TES: variants seen among roughly 807,000 people sequenced by gnomAD.
TES encodes testin LIM domain protein.
In TES, 41 loss-of-function variants were observed where a neutral mutation model predicts 48.2. That is an observed-to-expected ratio of 0.85 (90% CI 0.66 to 1.10). The LOEUF (loss-of-function observed/expected upper bound fraction) is 1.10. Among genes scored for constraint, TES ranks in the 50% least tolerant of loss-of-function variants. The probability of loss-of-function intolerance (pLI) is 0.00; values close to 1 mark genes in which losing one functional copy is unlikely to be tolerated. For missense variants in TES, 463 were observed against 515.1 expected, an observed-to-expected ratio of 0.90 and a Z score of 0.98; for synonymous variants, 162 against 174.9, an observed-to-expected ratio of 0.93 and a Z score of 0.58.
At chr7:116,252,572 A>G (rs1048507) in intron 6 of TES, 96 bp downstream of exon 6, 1 of 1,574,640 alleles carries the variant, frequency 6.4e-7, no homozygotes, top group African/African-American at 1.3e-5. Flanking sequence ...AACAGAAAGC[A>G]GTCCTCCTAA....
chr7:116,255,461 T>C (rs17138493), intron 6 of TES, among the ~76,000 whole-genome samples: 17,998 of 152,228 alleles, frequency 0.12, 1,071 homozygotes, highest in South Asian at 0.19. Flanking sequence ...AGATTTTGAA[T>C]GAATGGTAAT....
intron 2 of TES, among the ~76,000 whole-genome samples, chr7:116,241,534 C>T (rs1021509110): frequency 6.6e-6 from 1 of 152,160 alleles, no homozygotes; most frequent in Non-Finnish European, 1.5e-5. Context: ...TCTTGGGTCA[C>T]ATTCTTACCA....
chr7:116,233,526 G>A (rs1799727352), intron 1 of TES, among the ~76,000 whole-genome samples: 1 of 152,134 alleles, frequency 6.6e-6, no homozygotes, highest in Non-Finnish European at 1.5e-5. Flanking sequence ...TTAACATTTT[G>A]ATCTTAAGCA....
Position 116,249,267 on chromosome 7 carries a change from G to T in TES, c.361G>T (p.Ala121Ser). 1 of 1,613,930 alleles carries T rather than the reference G, an allele frequency of 6.2e-7. No individual in the cohort carries two copies. Among genetic ancestry groups the T allele is most frequent in the Non-Finnish European group, 8.5e-7 (1 of 1,179,938 alleles). ...GTGGGCTCCTCCTGTCCAGAATCAA[G>T]CATTGGTAAATGATATGGAACAGAG... ...YEWAPPVQNQ[A>S]LARQYMQMLP... The change falls in exon 3 of 7, where the codon GCA (alanine) becomes TCA (serine). Residue 121 changes from alanine to serine, a missense_variant. Physicochemically the swap from Ala to Ser is moderately conservative, Grantham distance 99. Coordinates refer to ENST00000358204, the MANE Select transcript of TES (RefSeq NM_015641.4).
intron 1 of TES, among the ~76,000 whole-genome samples, chr7:116,231,731 T>C (rs1223274239): frequency 6.6e-6 from 1 of 152,192 alleles, no homozygotes; most frequent in Non-Finnish European, 1.5e-5. Flanking sequence ...GTAGCAGGTG[T>C]CAGAGAGAAT....
chr7:116,213,794 C>G (rs980237370), intron 1 of TES, among the ~76,000 whole-genome samples: 1 of 151,862 alleles, frequency 6.6e-6, no homozygotes, highest in East Asian at 1.9e-4. Context: ...CACATCTAGA[C>G]CTCTTTCTTA....
rs971886855 is a variant in TES, at chr7:116,252,082, C to A, written c.918+107C>A. ...GACCAAACAGCAGTTGCTCTGTTTA[C>A]ATCCAAAGAAGTTTTAAAAAATAAA... is the stretch of plus-strand genomic sequence containing the variant. On this transcript the variant is annotated intron_variant, in intron 5 of 6. Transcript: ENST00000358204. 1.1e-5 allele frequency: 13 copies of A among 1,197,928 alleles called. No individual in the cohort carries two copies. The South Asian group carries it at 1.7e-4, about 16-fold the overall frequency. The allele number at this position is 1,197,928 out of a possible 1,614,324, so 74.2% of individuals were successfully genotyped here.
chr7:116,226,271 G>A (rs1346564622), intron 1 of TES, among the ~76,000 whole-genome samples: 2 of 152,206 alleles, frequency 1.3e-5, no homozygotes, highest in South Asian at 2.1e-4. Flanking sequence ...ACAATCTAAT[G>A]GGGGTAAATT....
rs148032626 is a variant in TES, at chr7:116,246,946, C to CTTTT, written c.114-2074_114-2073insTTTT. On this transcript the variant is annotated intron_variant, in intron 2 of 6. Transcript: ENST00000358204. ...AGTTCTAGAAATCAGAGACTAGGCC[C>CTTTT]CTTTTTTTTTTTTTTTTTTTTAAGC... 3.0e-3 allele frequency among the ~76,000 whole-genome samples: 392 copies of CTTTT among 130,888 alleles called. 16 individuals are homozygous for CTTTT. The highest frequency in any genetic ancestry group is 0.021 in the Middle Eastern group (5 of 234). 85.9% of individuals were successfully genotyped at this position (130,888 alleles called of 152,430 possible).
chr7:116,220,603 T>C (rs1235055878), intron 1 of TES, among the ~76,000 whole-genome samples: 1 of 152,196 alleles, frequency 6.6e-6, no homozygotes, highest in African/African-American at 2.4e-5. Context: ...GCCTGACATA[T>C]AGCAAGTACC....
chr7:116,235,546 T>G (rs1339451414), intron 2 of TES, among the ~76,000 whole-genome samples: 4 of 152,120 alleles, frequency 2.6e-5, no homozygotes, highest in African/African-American at 9.7e-5. Context: ...CTATAGATCT[T>G]ATCTTTAGGT....
At chr7:116,227,215 C>G (rs919021392) in intron 1 of TES, among the ~76,000 whole-genome samples, 5 of 151,736 alleles carry the variant, frequency 3.3e-5, no homozygotes, top group African/African-American at 1.2e-4. Flanking sequence ...CCCCTGAGTT[C>G]AAGCGATTCT....
At chr7:116,257,183 G>C (rs752958511) in intron 6 of TES, 111 bp from the exon 7 acceptor site, 4 of 1,187,098 alleles carry the variant, frequency 3.4e-6, no homozygotes, top group Non-Finnish European at 4.6e-6. Context: ...GTATTTCTGA[G>C]GTTGTCATTA....
At chr7:116,243,754 G>C (rs1026436717) in intron 2 of TES, 2 of 152,038 alleles carry the variant, frequency 1.3e-5, no homozygotes, top group African/African-American at 4.8e-5. Context: ...TATTTTTCAA[G>C]AGACTGAGTG....
intron 1 of TES, 51 bp downstream of exon 1, chr7:116,210,785 G>GC: frequency 8.1e-7 from 1 of 1,229,294 alleles, no homozygotes; most frequent in Non-Finnish European, 1.0e-6. Flanking sequence ...CGCGGGTCGC[G>GC]CGGCGCGCGG....
intron 1 of TES, among the ~76,000 whole-genome samples, chr7:116,222,216 T>C (rs1799565405): frequency 6.6e-6 from 1 of 152,180 alleles, no homozygotes; most frequent in Non-Finnish European, 1.5e-5. Flanking sequence ...GCTATAAGAC[T>C]TTGTTTTTGT....
intron 1 of TES, among the ~76,000 whole-genome samples, chr7:116,213,263 C>T (rs963441684): frequency 3.9e-5 from 6 of 152,172 alleles, no homozygotes; most frequent in Non-Finnish European, 8.8e-5. Flanking sequence ...CTTTTTGACT[C>T]AGTTATTCAA....
intron 1 of TES, among the ~76,000 whole-genome samples, chr7:116,227,150 C>T (rs1799632709): frequency 6.6e-6 from 1 of 151,362 alleles, no homozygotes; most frequent in Non-Finnish European, 1.5e-5. Flanking sequence ...TGGAGTCTCA[C>T]TCTGTCACCC....
intron 6 of TES, among the ~76,000 whole-genome samples, chr7:116,256,145 G>A (rs1400959358): frequency 6.6e-6 from 1 of 152,130 alleles, no homozygotes; most frequent in Non-Finnish European, 1.5e-5. Context: ...TATAATCTCT[G>A]TAATCAGAAG....
Sources: gnomAD v4.1 joint callset for allele counts (sites outside exome capture counted in the v4.1 genomes callset) on GRCh38, gnomAD v4.1.1 for gene constraint, MANE v1.5 for transcripts, NCBI Gene and HGNC (gene_info 2026-07-23, HGNC 2026-07-21) for gene names.